The following TSGA10 variants were observed in gnomAD, a reference collection of about 807,000 sequenced individuals.
The protein encoded by TSGA10 is testis specific 10, also known as testis-specific gene 10 protein.
Under a neutral mutation model 96.6 loss-of-function variants are expected in TSGA10, and 43 were observed. That is an observed-to-expected ratio of 0.44 (90% CI 0.35 to 0.57). TSGA10 has a LOEUF of 0.57. Among genes scored for constraint, TSGA10 ranks in the 20% least tolerant of loss-of-function variants. The pLI is 0.01. For synonymous variants in TSGA10, 229 were observed against 269.9 expected (o/e 0.85, Z 1.48); for missense variants, 703 against 834.4 (o/e 0.84, Z 1.94).
intron 3 of TSGA10, 110 bp downstream of exon 3, chr2:99,118,441 A>T: frequency 2.2e-3 from 540 of 244,866 alleles, no homozygotes; most frequent in Non-Finnish European, 3.0e-3. Context: ...ACACAGCAAG[A>T]CTCTATCTCA....
chr2:99,053,796 T>C (rs2083669645), intron 16 of TSGA10, among the ~76,000 whole-genome samples: 1 of 151,932 alleles, frequency 6.6e-6, no homozygotes, highest in Admixed American at 6.6e-5. Flanking sequence ...ATAAAATCAA[T>C]AAAACAATCC....
intron 13 of TSGA10, among the ~76,000 whole-genome samples, 160 bp from the exon 14 acceptor site, chr2:99,072,034 A>T (rs1361211923): frequency 1.3e-5 from 2 of 152,254 alleles, no homozygotes; most frequent in Non-Finnish European, 2.9e-5. Context: ...ACAGTGCATT[A>T]GAGTTTCTCA....
At chr2:99,143,131 A>G (rs1185128075) in intron 1 of TSGA10, among the ~76,000 whole-genome samples, 3 of 126,976 alleles carry the variant, frequency 2.4e-5, no homozygotes, top group Non-Finnish European at 3.3e-5. Flanking sequence ...CCCCAACTAA[A>G]CCTTTTTTTT....
chr2:99,036,848 G>T (rs879392744), intron 16 of TSGA10, among the ~76,000 whole-genome samples: 1 of 152,068 alleles, frequency 6.6e-6, no homozygotes, highest in African/African-American at 2.4e-5. Flanking sequence ...GCAAATTTCA[G>T]AGAAAGGAAA....
At chr2:99,043,177 AT>A (rs1189276817) in intron 16 of TSGA10, among the ~76,000 whole-genome samples, 2 of 54,096 alleles carry the variant, frequency 3.7e-5, no homozygotes, top group South Asian at 4.8e-4. Context: ...TTATAAAAAA[AT>A]ATATAAATCA....
At chr2:98,999,566 A>T (rs2077715597) in intron 20 of TSGA10, among the ~76,000 whole-genome samples, 2 of 139,972 alleles carry the variant, frequency 1.4e-5, no homozygotes, top group African/African-American at 6.0e-5. Flanking sequence ...ATAGAAAGGT[A>T]ACAACTAAAA....
At position 99,071,891 on chromosome 2, in the gene TSGA10, A is replaced by C; in HGVS notation, c.939-17T>G. Reference sequence around the variant, plus strand: ...GTACACTGTCTATTCCACAAATCAAAGAGTACATAAGAAGAGACATTTTAC... The same window carrying C: ...GTACACTGTCTATTCCACAAATCAACGAGTACATAAGAAGAGACATTTTAC... On this transcript the variant is annotated splice_polypyrimidine_tract_variant and intron_variant, in intron 13 of 20. Coordinates refer to ENST00000393483, the MANE Select transcript of TSGA10 (RefSeq NM_025244.4). 6.3e-7 allele frequency: 1 copy of C among 1,593,662 alleles called. No individual in the cohort carries two copies. Among genetic ancestry groups the C allele is most frequent in the South Asian group, 1.1e-5 (1 of 87,666 alleles).
rs1199714127 is a variant in TSGA10, at chr2:99,078,812, A to T, written c.729T>A (p.Asp243Glu). The change falls in exon 12 of 21, where the codon GAT becomes GAA. Residue 243 changes from aspartate (D) to glutamate (E), a missense_variant and splice_region_variant. This residue lies in a region of TSGA10 where 585 missense variants were observed against 656.8 expected (regional missense o/e 0.89). Transcript: ENST00000393483. Reference sequence around the variant, plus strand: ...GTGCAATATTTTGCCTTGTAAAGTTATCTATGTATGCAATCATAAAAGTGT... The same window carrying T: ...GTGCAATATTTTGCCTTGTAAAGTTTTCTATGTATGCAATCATAAAAGTGT... Reference protein sequence around the residue: ...EKIMCLDEKIDNFTRQNIAQR... With the variant: ...EKIMCLDEKIENFTRQNIAQR... The T allele has an allele frequency of 1.2e-6, 2 of 1,609,782 alleles. No individual in the cohort carries two copies. The highest frequency in any genetic ancestry group is 1.7e-6 in the Non-Finnish European group (2 of 1,178,862).
Position 98,997,648 on chromosome 2 carries a change from G to T in TSGA10, c.*549C>A, listed in dbSNP as rs1416416103. 1 of 152,152 alleles carries T rather than the reference G, an allele frequency of 6.6e-6. No individual in the cohort carries two copies. Among genetic ancestry groups the T allele is most frequent in the African/African-American group, 2.4e-5 (1 of 41,398 alleles). 9.4% of individuals were successfully genotyped at this position (152,152 alleles called of 1,614,324 possible). On this transcript the variant is annotated 3_prime_UTR_variant, in exon 21 of 21. Coordinates refer to ENST00000393483, the MANE Select transcript of TSGA10 (RefSeq NM_025244.4). Reference sequence around the variant, plus strand: ...GTCTTTGAGTGGTACAATACTATAGGTTTTAAAACCCTGACAACACTCCTA... The same window carrying T: ...GTCTTTGAGTGGTACAATACTATAGTTTTTAAAACCCTGACAACACTCCTA...
rs1558735427 is a variant in TSGA10, at chr2:99,017,688, C to T, written c.2072+512G>A. Among the ~76,000 whole-genome samples the T allele has an allele frequency of 7.3e-5, 11 of 151,198 alleles. No individual in the cohort carries two copies. The South Asian group carries it at 2.1e-3, about 29-fold the overall frequency. On this transcript the variant is annotated intron_variant, in intron 20 of 20. Coordinates refer to ENST00000393483, the MANE Select transcript of TSGA10 (RefSeq NM_025244.4). ...GCTGAGGCAGGAGAATGGCGTGAAC[C>T]CGGGAGGCGGAGCTTGCAGTGAGCC... is the stretch of plus-strand genomic sequence containing the variant.
rs766621806 is a variant in TSGA10 at position 99,108,946 on chromosome 2, G to A, written c.97C>T (p.Arg33Cys). 1.5e-5 allele frequency: 24 copies of A among 1,603,782 alleles called. No individual in the cohort carries two copies. Among genetic ancestry groups the A allele is most frequent in the Admixed American group, 1.0e-4 (6 of 57,290 alleles). ...VELLKTTTRD[R>C]EELKCMLEKY... The stretch of plus-strand genomic sequence containing the variant: ...TCCAGCATGCATTTAAGTTCTTCAC[G>A]ATCTCTTGTTGTTGTCTTCAAAAGT... The change falls in exon 7 of 21, where the codon CGT becomes TGT. Residue 33 changes from arginine to cysteine, a missense_variant. By Grantham distance (180) the Arg-to-Cys change is radical. Transcript: ENST00000393483.
intron 10 of TSGA10, among the ~76,000 whole-genome samples, chr2:99,093,977 G>A (rs779481735): frequency 3.3e-5 from 5 of 152,062 alleles, no homozygotes; most frequent in African/African-American, 1.2e-4. Context: ...AAACCTGGAG[G>A]CACTGCATTA....
At chr2:99,043,123 T>A (rs1209910297) in intron 16 of TSGA10, among the ~76,000 whole-genome samples, 1 of 152,038 alleles carries the variant, frequency 6.6e-6, no homozygotes, top group Non-Finnish European at 1.5e-5. Context: ...GCATGGTTAA[T>A]GAAGTAAAGG....
Position 99,126,981 on chromosome 2 carries a change from C to T in TSGA10, c.-492+67G>A, listed in dbSNP as rs540984387. ...GAATTAGTAGTTATTTATTCTCTAT[C>T]TTCTTGTTTCAAAATAGGCTCCCAC... is the stretch of plus-strand genomic sequence containing the variant. On this transcript the variant is annotated intron_variant, in intron 2 of 20. Coordinates refer to ENST00000393483, the MANE Select transcript of TSGA10 (RefSeq NM_025244.4). The T allele has an allele frequency of 7.2e-6, 9 of 1,242,964 alleles. 1 individual carries two copies. The East Asian group carries it at 5.1e-4, about 70-fold the overall frequency. 77.0% of individuals were successfully genotyped at this position (1,242,964 alleles called of 1,614,324 possible). A position where few individuals can be genotyped will look rare whatever the true frequency, so the allele number is the denominator to read the frequency against.
chr2:99,095,178 A>T (rs2089896469), intron 10 of TSGA10, among the ~76,000 whole-genome samples: 1 of 152,222 alleles, frequency 6.6e-6, no homozygotes, highest in Non-Finnish European at 1.5e-5. Flanking sequence ...GTTCTCACTC[A>T]TAAGTGGGAG....
chr2:99,073,991 G>GTTTCT (rs2086295023), intron 12 of TSGA10, among the ~76,000 whole-genome samples: 3 of 44,390 alleles, frequency 6.8e-5, no homozygotes, highest in African/African-American at 2.7e-4. Context: ...TTCTGTTCCT[G>GTTTCT]TTTCTTTTCT....
intron 17 of TSGA10, among the ~76,000 whole-genome samples, chr2:99,027,486 A>G (rs980692499): frequency 3.3e-5 from 5 of 152,232 alleles, no homozygotes; most frequent in Non-Finnish European, 7.3e-5. Context: ...TGGTGACCAC[A>G]GTTAATAATA....
At chr2:99,137,775 G>C (rs763046135) in intron 1 of TSGA10, among the ~76,000 whole-genome samples, 7 of 151,484 alleles carry the variant, frequency 4.6e-5, no homozygotes, top group Non-Finnish European at 8.8e-5. Context: ...ATGGATTTAG[G>C]ATATATATTT....
chr2:99,147,556 A>C, intron 1 of TSGA10: 1 of 1,419,414 alleles, frequency 7.0e-7, no homozygotes. Context: ...CTTTTATTAG[A>C]TTGAAGTTTA....
Sources: allele counts gnomAD v4.1 joint callset (sites outside exome capture counted in the v4.1 genomes callset), GRCh38; gene constraint gnomAD v4.1.1; regional missense constraint gnomAD v4.1.1; transcripts MANE v1.5; gene names NCBI Gene and HGNC (gene_info 2026-07-23, HGNC 2026-07-21).